Variants in RIGI observed in about 807,000 individuals in gnomAD.
RIGI encodes the protein RNA sensor RIG-I.
the RIGI span, among the ~76,000 whole-genome samples, chr9:32,511,521 C>T: frequency 2.6e-5 from 4 of 152,104 alleles, no homozygotes; most frequent in Non-Finnish European, 5.9e-5. Flanking sequence ...TAAATAAGTT[C>T]TTTGAAACCA....
the RIGI span, chr9:32,481,604 G>A: frequency 1.2e-5 from 10 of 822,446 alleles, no homozygotes; most frequent in Middle Eastern, 3.8e-4. Context: ...TTTTTTCCTC[G>A]AGGCAGAGTC....
chr9:32,503,469 G>C, the RIGI span, among the ~76,000 whole-genome samples: 2 of 152,098 alleles, frequency 1.3e-5, no homozygotes, highest in African/African-American at 4.8e-5. Context: ...AGCTTCTCAA[G>C]GTAGAATTTC....
At chr9:32,476,996 C>G in the RIGI span, 1 of 1,613,592 alleles carries the variant, frequency 6.2e-7, no homozygotes, top group South Asian at 1.1e-5. Context: ...CACAAGTGCT[C>G]TGGTTTTCAC....
At chr9:32,457,555 G>T in the RIGI span, 1 of 753,384 alleles carries the variant, frequency 1.3e-6, no homozygotes, top group Non-Finnish European at 2.0e-6. Context: ...TTTTACAATT[G>T]GAGGAAAAAA....
chr9:32,462,353 A>G, the RIGI span, among the ~76,000 whole-genome samples: 3,167 of 150,998 alleles, frequency 0.021, 125 homozygotes, highest in African/African-American at 0.069. Flanking sequence ...ATTGATTACC[A>G]TACCACTTCA....
chr9:32,474,202 C>CAA, the RIGI span, among the ~76,000 whole-genome samples: 21,361 of 50,506 alleles, frequency 0.42, 4,470 homozygotes, highest in East Asian at 0.59. Flanking sequence ...GACCCTGTCT[C>CAA]AAAAAAAAAA....
chr9:32,524,026 CCT>C, the RIGI span, among the ~76,000 whole-genome samples: 24 of 152,172 alleles, frequency 1.6e-4, no homozygotes, highest in Admixed American at 1.5e-3. Flanking sequence ...GCTAATTTTT[CCT>C]CTTTCTTTAG....
At chr9:32,476,895 T>C in the RIGI span, 8,233 of 1,151,266 alleles carry the variant, frequency 7.2e-3, 427 homozygotes, top group African/African-American at 0.12. Flanking sequence ...CTTCTGGGAT[T>C]ACAGGCGTGA....
the RIGI span, among the ~76,000 whole-genome samples, chr9:32,482,186 T>TG: frequency 2.1e-5 from 3 of 145,696 alleles, no homozygotes; most frequent in South Asian, 2.2e-4. Context: ...TGTGTGTTTG[T>TG]TTGTGTGTGT....
At chr9:32,472,701 C>T in the RIGI span, among the ~76,000 whole-genome samples, 130 of 152,274 alleles carry the variant, frequency 8.5e-4, no homozygotes, top group African/African-American at 3.0e-3. Flanking sequence ...TTTGCCAGCC[C>T]AATTGTGTAA....
At chr9:32,498,912 G>A in the RIGI span, among the ~76,000 whole-genome samples, 1 of 151,452 alleles carries the variant, frequency 6.6e-6, no homozygotes. Flanking sequence ...GAACCCGGGA[G>A]GCGGAGGTTG....
chr9:32,506,610 G>C, the RIGI span, among the ~76,000 whole-genome samples: 2 of 152,064 alleles, frequency 1.3e-5, no homozygotes, highest in African/African-American at 4.8e-5. Context: ...ATATAATCTG[G>C]TTTGTTTTTC....
At chr9:32,487,484 A>G in the RIGI span, 1 of 1,614,202 alleles carries the variant, frequency 6.2e-7, no homozygotes, top group East Asian at 2.2e-5. Flanking sequence ...TCTGGGGCTT[A>G]TAAACAACTT....
the RIGI span, among the ~76,000 whole-genome samples, chr9:32,465,746 C>T: frequency 6.6e-6 from 1 of 152,170 alleles, no homozygotes; most frequent in Non-Finnish European, 1.5e-5. Context: ...AGATGAAAAT[C>T]TCTGCAATGG....
the RIGI span, among the ~76,000 whole-genome samples, chr9:32,511,403 A>C: frequency 6.6e-6 from 1 of 152,258 alleles, no homozygotes; most frequent in South Asian, 2.1e-4. Flanking sequence ...CAGTGCAATC[A>C]AATTAGAACT....
chr9:32,464,192 G>T, the RIGI span, among the ~76,000 whole-genome samples: 3 of 151,862 alleles, frequency 2.0e-5, no homozygotes, highest in African/African-American at 7.3e-5. Flanking sequence ...GCCCTAAAGA[G>T]CTCCAAGCTT....
the RIGI span, among the ~76,000 whole-genome samples, chr9:32,466,827 A>G: frequency 6.6e-6 from 1 of 151,998 alleles, no homozygotes; most frequent in Non-Finnish European, 1.5e-5. Context: ...AGACAGCCGT[A>G]CTGTCAGAAA....
the RIGI span, chr9:32,491,260 G>A: frequency 6.2e-7 from 1 of 1,606,364 alleles, no homozygotes; most frequent in Admixed American, 1.7e-5. Flanking sequence ...CCAAATACCA[G>A]AAGAGCACCA....
chr9:32,486,622 G>GA, the RIGI span, among the ~76,000 whole-genome samples: 145 of 133,424 alleles, frequency 1.1e-3, no homozygotes, highest in East Asian at 5.4e-3. Context: ...CAAAGAAAAA[G>GA]AAAAAAAAAA....
Sources: allele counts gnomAD v4.1 joint callset (sites outside exome capture counted in the v4.1 genomes callset), GRCh38; gene constraint gnomAD v4.1.1; transcripts MANE v1.5; gene names NCBI Gene and HGNC (gene_info 2026-07-23, HGNC 2026-07-21).